DNAAF4: variants seen among roughly 807,000 people sequenced by gnomAD.
DNAAF4 encodes the protein dynein assembly factor 4, axonemal.
A neutral mutation model predicts 51.8 loss-of-function variants in DNAAF4; 43 were observed. The ratio of observed to expected loss-of-function variants is 0.83; its 90% CI spans 0.65 to 1.07. The LOEUF (loss-of-function observed/expected upper bound fraction) is 1.07. Ranked by LOEUF, DNAAF4 falls within the 50% of genes least tolerant of loss-of-function variation. The pLI is 0.00. For synonymous variants in DNAAF4, 194 were observed against 165.6 expected (o/e 1.17, Z -1.32); for missense variants, 581 against 493.0 (o/e 1.18, Z -1.69).
At chr15:55,470,288 G>T (rs1195625298) in intron 4 of DNAAF4, among the ~76,000 whole-genome samples, 1 of 151,894 alleles carries the variant, frequency 6.6e-6, no homozygotes. Flanking sequence ...CTGACCTCAG[G>T]TGATCCACCC....
chr15:55,443,956 T>G (rs1222555729), intron 6 of DNAAF4, among the ~76,000 whole-genome samples: 1 of 152,048 alleles, frequency 6.6e-6, no homozygotes, highest in Non-Finnish European at 1.5e-5. Context: ...CTTCGTCAGA[T>G]GAGTAGATTG....
intron 7 of DNAAF4, chr15:55,418,375 T>C (rs1426144659): frequency 1.3e-6 from 2 of 1,536,670 alleles, no homozygotes; most frequent in Admixed American, 2.0e-5. Context: ...CTCAAATGAT[T>C]ATGTATAAAA....
intron 4 of DNAAF4, among the ~76,000 whole-genome samples, chr15:55,480,217 A>AT (rs2058390150): frequency 6.6e-6 from 1 of 151,978 alleles, no homozygotes; most frequent in East Asian, 1.9e-4. Flanking sequence ...ATGTGATGTC[A>AT]CCCCCGATGG....
chr15:55,452,244 T>TAAAA (rs57692277), intron 5 of DNAAF4, among the ~76,000 whole-genome samples: 16 of 53,602 alleles, frequency 3.0e-4, no homozygotes, highest in Non-Finnish European at 3.6e-4. Flanking sequence ...CATGTCTCAC[T>TAAAA]AAAAAAAAAA....
chr15:55,485,614 C>T (rs928667157), intron 4 of DNAAF4, among the ~76,000 whole-genome samples: 2 of 151,468 alleles, frequency 1.3e-5, no homozygotes, highest in Non-Finnish European at 2.9e-5. Flanking sequence ...TCCATTGAAG[C>T]GGAAAACAAA....
At chr15:55,491,817 T>A (rs2058579365) in intron 3 of DNAAF4, among the ~76,000 whole-genome samples, 1 of 143,448 alleles carries the variant, frequency 7.0e-6, no homozygotes, top group Admixed American at 7.3e-5. Flanking sequence ...TTTTATATAA[T>A]ATATATAAAT....
At chr15:55,453,421 C>T (rs751138565) in intron 5 of DNAAF4, among the ~76,000 whole-genome samples, 8 of 150,998 alleles carry the variant, frequency 5.3e-5, no homozygotes, top group Non-Finnish European at 1.0e-4. Context: ...TGAAATAGCA[C>T]AACAATCTGA....
chr15:55,451,823 G>C (rs569913612), intron 5 of DNAAF4, among the ~76,000 whole-genome samples: 1 of 151,920 alleles, frequency 6.6e-6, no homozygotes. Flanking sequence ...GTCTTGTTTT[G>C]TTGCCCAGGC....
intron 4 of DNAAF4, among the ~76,000 whole-genome samples, chr15:55,482,199 C>T (rs1447942313): frequency 2.0e-5 from 3 of 151,934 alleles, no homozygotes; most frequent in Admixed American, 1.3e-4. Context: ...CAAGACTTTC[C>T]ATCTGGCAAC....
At chr15:55,429,199 G>A (rs1372400098), downstream of DNAAF4, among the ~76,000 whole-genome samples, 3 of 151,112 alleles carry the variant, frequency 2.0e-5, no homozygotes, top group Non-Finnish European at 4.4e-5. Flanking sequence ...TAAAGCCTGG[G>A]TTACAGAGCC....
intron 6 of DNAAF4, chr15:55,443,250 T>C (rs2057742709): frequency 1.2e-6 from 2 of 1,603,858 alleles, no homozygotes; most frequent in African/African-American, 1.3e-5. Flanking sequence ...CAGAAGAAAA[T>C]GACCTCAGCG....
At chr15:55,434,686 T>G (rs1472806774) in intron 8 of DNAAF4, among the ~76,000 whole-genome samples, 2 of 152,066 alleles carry the variant, frequency 1.3e-5, no homozygotes, top group South Asian at 4.1e-4. Context: ...TAACAGCTGA[T>G]TTTTAATCTA....
chr15:55,432,466 G>T (rs1226384715), intron 9 of DNAAF4, 31 bp downstream of exon 9: 1 of 1,549,152 alleles, frequency 6.5e-7, no homozygotes. Flanking sequence ...AGTATAACTT[G>T]GGACTTAAAC....
chr15:55,465,409 CACACACACACACAG>C (rs1304576951), intron 5 of DNAAF4, among the ~76,000 whole-genome samples: 1 of 151,704 alleles, frequency 6.6e-6, no homozygotes, highest in Non-Finnish European at 1.5e-5. Context: ...CACACACACA[CACACACACACACAG>C]ACACACATAC....
chr15:55,480,613 T>C (rs1276119365), intron 4 of DNAAF4, among the ~76,000 whole-genome samples: 1 of 151,896 alleles, frequency 6.6e-6, no homozygotes, highest in African/African-American at 2.4e-5. Flanking sequence ...TACCTTTAAC[T>C]GCAACCATCA....
intron 3 of DNAAF4, among the ~76,000 whole-genome samples, chr15:55,494,350 G>C (rs2058612455): frequency 1.3e-5 from 2 of 151,914 alleles, no homozygotes; most frequent in Non-Finnish European, 2.9e-5. Context: ...ATTTCTAAAG[G>C]AATCTCAAAC....
intron 4 of DNAAF4, among the ~76,000 whole-genome samples, chr15:55,487,696 G>A (rs2058512162): frequency 2.6e-5 from 4 of 151,898 alleles, no homozygotes; most frequent in Admixed American, 2.6e-4. Flanking sequence ...ATTAAGAGCT[G>A]TAACACACCA....
In DNAAF4 at chr15:55,497,711, C is replaced by G; in HGVS notation, c.271+1G>C. 1 of 1,600,816 alleles carries G rather than the reference C, an allele frequency of 6.2e-7. No homozygotes were observed. Among genetic ancestry groups the G allele is most frequent in the Non-Finnish European group, 8.5e-7 (1 of 1,175,866 alleles). ...TGAACATCTTTTAATAAAGAACTTA[C>G]CACCCGTCACAGAAAGGGTCTCCCA... On this transcript the variant is annotated splice_donor_variant, in intron 3 of 9. Coordinates refer to ENST00000321149, the MANE Select transcript of DNAAF4 (RefSeq NM_130810.4). LOFTEE classifies it high-confidence loss of function.
rs576721679 is a variant in DNAAF4 at position 55,430,728 on chromosome 15, A to G, written c.1205T>C (p.Val402Ala). The G allele has an allele frequency of 8.1e-6, 13 of 1,613,464 alleles. 1 individual carries two copies. The South Asian group carries it at 1.3e-4, about 16-fold the overall frequency. Residue 402 changes from valine (V) to alanine (A), a missense_variant, in exon 10 of 10, where the codon GTA (valine) becomes GCA (alanine). Physicochemically the swap from Val to Ala is moderately conservative, Grantham distance 64. Coordinates refer to ENST00000321149, the MANE Select transcript of DNAAF4 (RefSeq NM_130810.4). ...ALKIDPSNKI[V>A]QIDAEKIRNV... ...CCGAATCTTCTCAGCATCAATTTGT[A>G]CAATTTTGTTGGATGGATCAATCTT...
Sources: allele counts gnomAD v4.1 joint callset (sites outside exome capture counted in the v4.1 genomes callset), GRCh38; gene constraint gnomAD v4.1.1; transcripts MANE v1.5; gene names NCBI Gene and HGNC (gene_info 2026-07-23, HGNC 2026-07-21).